The following KATNAL2 variants were observed in gnomAD, a reference collection of about 807,000 sequenced individuals.
KATNAL2 encodes the protein katanin catalytic subunit A1 like 2.
In KATNAL2, 52 loss-of-function variants were observed where a neutral mutation model predicts 76.3. The ratio of observed to expected loss-of-function variants is 0.68; its 90% CI spans 0.55 to 0.86. The LOEUF (loss-of-function observed/expected upper bound fraction) is 0.86, where lower values mean the gene tolerates loss of function less well. Among genes scored for constraint, KATNAL2 ranks in the 40% least tolerant of loss-of-function variants. The pLI is 0.00. For synonymous variants in KATNAL2, 243 were observed against 244.2 expected, an observed-to-expected ratio of 1.00 and a Z score of 0.05; for missense variants, 660 against 668.9, an observed-to-expected ratio of 0.99 and a Z score of 0.15.
chr18:46,942,473 G>C (rs889618215), intron 1 of KATNAL2, among the ~76,000 whole-genome samples: 17 of 152,122 alleles, frequency 1.1e-4, no homozygotes, highest in Admixed American at 1.0e-3. Context: ...AATTAGCCGG[G>C]CGTGGTGGTG....
intron 3 of KATNAL2, among the ~76,000 whole-genome samples, chr18:46,955,176 T>TTCTTTCTTTCTTTCTTTCTTTCTTTCTA (rs1226925308): frequency 6.7e-6 from 1 of 149,052 alleles, no homozygotes; most frequent in African/African-American, 2.5e-5. Flanking sequence ...CTTTCTTTCT[T>TTCTTTCTTTCTTTCTTTCTTTCTTTCTA]TCTTTCTTTC....
chr18:46,942,629 A>G (rs1367555064), intron 1 of KATNAL2, among the ~76,000 whole-genome samples: 1 of 152,118 alleles, frequency 6.6e-6, no homozygotes, highest in African/African-American at 2.4e-5. Flanking sequence ...CAAACAAACA[A>G]ACAAACAAAA....
intron 3 of KATNAL2, among the ~76,000 whole-genome samples, chr18:47,032,209 C>T (rs898035438): frequency 3.3e-5 from 5 of 152,222 alleles, no homozygotes; most frequent in African/African-American, 1.2e-4. Flanking sequence ...CCAGTGATTA[C>T]CATTCACTTA....
chr18:46,929,530 A>C (rs2058840620), intron 1 of KATNAL2, among the ~76,000 whole-genome samples: 1 of 152,088 alleles, frequency 6.6e-6, no homozygotes, highest in South Asian at 2.1e-4. Flanking sequence ...GGCATGGGCT[A>C]TCACGCTTGG....
chr18:47,034,257 C>T (rs753485892), intron 3 of KATNAL2: 1 of 1,614,062 alleles, frequency 6.2e-7, no homozygotes, highest in East Asian at 2.2e-5. Context: ...GCTGCTCTTT[C>T]TCCTCGGGCG....
chr18:47,035,253 C>T (rs995614452), intron 3 of KATNAL2: 1 of 1,612,720 alleles, frequency 6.2e-7, no homozygotes, highest in Non-Finnish European at 8.5e-7. Flanking sequence ...GCGTAGTGGA[C>T]CCTGCCGCCA....
At chr18:46,924,238 G>C (rs1464158004) in intron 1 of KATNAL2, among the ~76,000 whole-genome samples, 1 of 152,172 alleles carries the variant, frequency 6.6e-6, no homozygotes, top group East Asian at 1.9e-4. Context: ...AATCCATCTT[G>C]AATTTATTTT....
At chr18:47,100,081 G>A (rs1271945177) in intron 16 of KATNAL2, among the ~76,000 whole-genome samples, 173 bp from the exon 17 acceptor site, 1 of 150,906 alleles carries the variant, frequency 6.6e-6, no homozygotes, top group Non-Finnish European at 1.5e-5. Flanking sequence ...ATCCCAACAT[G>A]CTAGCAGGGT....
intron 1 of KATNAL2, among the ~76,000 whole-genome samples, chr18:46,945,492 C>A (rs747748133): frequency 2.0e-5 from 3 of 152,106 alleles, no homozygotes; most frequent in Non-Finnish European, 2.9e-5. Context: ...GTAAGCAGTT[C>A]GCTTGTGTTA....
chr18:46,951,779 TTTAA>T (rs1174566087), intron 3 of KATNAL2, among the ~76,000 whole-genome samples: 1 of 152,140 alleles, frequency 6.6e-6, no homozygotes, highest in East Asian at 1.9e-4. Context: ...CCATTACTTT[TTTAA>T]TTAATTAATT....
intron 13 of KATNAL2, among the ~76,000 whole-genome samples, chr18:47,072,995 T>C (rs960831688): frequency 3.9e-5 from 6 of 152,144 alleles, no homozygotes; most frequent in Non-Finnish European, 5.9e-5. Context: ...CAGTCTTATA[T>C]GTACACATTT....
At chr18:47,051,350 G>A (rs1408749736) in intron 4 of KATNAL2, among the ~76,000 whole-genome samples, 1 of 151,872 alleles carries the variant, frequency 6.6e-6, no homozygotes, top group Non-Finnish European at 1.5e-5. Flanking sequence ...AGGATTGTTT[G>A]AGCCCAGGAG....
chr18:47,044,028 CAAT>C (rs1481854849), intron 3 of KATNAL2, among the ~76,000 whole-genome samples: 1 of 152,068 alleles, frequency 6.6e-6, no homozygotes, highest in Non-Finnish European at 1.5e-5. Context: ...TATCATGAAA[CAAT>C]GATATATTAT....
chr18:47,039,189 C>G (rs1017546389), intron 3 of KATNAL2, among the ~76,000 whole-genome samples: 3 of 152,076 alleles, frequency 2.0e-5, no homozygotes, highest in Admixed American at 1.3e-4. Flanking sequence ...TTTATTTAAG[C>G]CTTCTTTTCT....
At chr18:47,061,263 T>C (rs1228919432) in intron 8 of KATNAL2, among the ~76,000 whole-genome samples, 1 of 152,226 alleles carries the variant, frequency 6.6e-6, no homozygotes, top group African/African-American at 2.4e-5. Flanking sequence ...TAGTTCTATA[T>C]GGCACTGGGA....
chr18:47,032,839 G>T (rs2060539016), intron 3 of KATNAL2: 1 of 1,391,906 alleles, frequency 7.2e-7, no homozygotes, highest in Admixed American at 2.2e-5. Context: ...GGGTGTGGGA[G>T]GCAAAATCAC....
intron 8 of KATNAL2, among the ~76,000 whole-genome samples, chr18:47,061,687 C>T (rs770093058): frequency 4.6e-5 from 7 of 152,162 alleles, no homozygotes; most frequent in African/African-American, 1.2e-4. Context: ...GATGCTCCCC[C>T]ACTATGTAAC....
chr18:47,076,888 T>TA (rs2062260560), intron 14 of KATNAL2, among the ~76,000 whole-genome samples: 1 of 151,312 alleles, frequency 6.6e-6, no homozygotes, highest in South Asian at 2.1e-4. Context: ...GCATAGATCC[T>TA]AAAAAAACAT....
intron 15 of KATNAL2, chr18:47,084,387 A>G (rs540461928): frequency 2.8e-6 from 2 of 702,738 alleles, no homozygotes; most frequent in Non-Finnish European, 5.2e-6. Context: ...CCTGCAATCA[A>G]GGTCTTGATT....
Sources: allele counts gnomAD v4.1 joint callset (sites outside exome capture counted in the v4.1 genomes callset), GRCh38; gene constraint gnomAD v4.1.1; transcripts MANE v1.5; gene names NCBI Gene and HGNC (gene_info 2026-07-23, HGNC 2026-07-21).